The following PUM3 variants were observed in gnomAD, a reference collection of about 807,000 sequenced individuals.
PUM3 encodes pumilio RNA binding family member 3.
PUM3 carries 91 observed loss-of-function variants against 84.0 expected under a neutral mutation model. The observed-to-expected ratio is 1.08, with a 90% confidence interval of 0.91 to 1.29. PUM3 has a LOEUF of 1.29. PUM3 is among the 50% of genes most tolerant of loss of function. PUM3 has a pLI of 0.00. For synonymous variants in PUM3, 321 were observed against 266.7 expected (o/e 1.20, Z -1.98); for missense variants, 1,067 against 767.5 (o/e 1.39, Z -4.61).
intron 16 of PUM3, among the ~76,000 whole-genome samples, chr9:2,809,210 A>T (rs1243053976): frequency 6.6e-6 from 1 of 152,188 alleles, no homozygotes; most frequent in Non-Finnish European, 1.5e-5. Context: ...GTAAAAGAGA[A>T]TCAAAACAGC....
intron 10 of PUM3, among the ~76,000 whole-genome samples, chr9:2,825,271 C>G (rs116531114): frequency 1.1e-4 from 16 of 152,186 alleles, no homozygotes; most frequent in African/African-American, 3.6e-4. Context: ...CTTCCCTTTT[C>G]AGTTCATAAC....
intron 17 of PUM3, 76 bp from the exon 18 acceptor site, chr9:2,804,539 A>C: frequency 1.4e-6 from 2 of 1,397,790 alleles, no homozygotes; most frequent in South Asian, 1.4e-5. Flanking sequence ...AACAGTAAAA[A>C]AGACTTTGTT....
chr9:2,834,433 C>G (rs1057185885), intron 3 of PUM3, among the ~76,000 whole-genome samples: 25 of 152,106 alleles, frequency 1.6e-4, no homozygotes, highest in African/African-American at 6.0e-4. Flanking sequence ...ACAAAAGTAA[C>G]TAGAATATTT....
chr9:2,811,661 T>A, intron 14 of PUM3, 78 bp from the exon 15 acceptor site: 1 of 999,220 alleles, frequency 1.0e-6, no homozygotes, highest in Non-Finnish European at 1.5e-6. Flanking sequence ...CAAAAACCTC[T>A]AAGAGCTTAT....
chr9:2,820,200 T>TAAA, intron 12 of PUM3, 102 bp from the exon 13 acceptor site: 1 of 208,270 alleles, frequency 4.8e-6, no homozygotes, highest in Non-Finnish European at 8.2e-6. Flanking sequence ...GAGACTCCGC[T>TAAA]CAAAAAAAAA....
intron 10 of PUM3, among the ~76,000 whole-genome samples, chr9:2,826,158 C>T (rs1168489895): frequency 2.0e-5 from 3 of 151,464 alleles, no homozygotes; most frequent in Admixed American, 6.6e-5. Context: ...GACAATTTGT[C>T]TCATTACTTT....
At chr9:2,817,373 C>G (rs1174736405) in intron 13 of PUM3, among the ~76,000 whole-genome samples, 1 of 152,018 alleles carries the variant, frequency 6.6e-6, no homozygotes, top group Non-Finnish European at 1.5e-5. Flanking sequence ...TTTTACATTT[C>G]AAAAGGGTTT....
intron 13 of PUM3, among the ~76,000 whole-genome samples, chr9:2,819,741 A>C (rs1197395762): frequency 6.6e-6 from 1 of 152,240 alleles, no homozygotes; most frequent in Non-Finnish European, 1.5e-5. Flanking sequence ...CGTATGTTCT[A>C]AAGTACCATG....
rs770060488 is a variant in PUM3, at chr9:2,811,322, CT to C, written c.1635+38del. The stretch of plus-strand genomic sequence containing the variant: ...CGTCCAAAAACGAAGTTTTTGTGGC[CT>C]TTGCAGCTTTCCTGCCTGTGCTTTA... On this transcript the variant is annotated intron_variant, in intron 15 of 17. Transcript: ENST00000397885. 5 of 1,598,334 alleles carry C rather than the reference CT, an allele frequency of 3.1e-6. No homozygotes were observed. In the East Asian group the frequency reaches 6.7e-5, roughly 21 times the overall value.
intron 3 of PUM3, among the ~76,000 whole-genome samples, chr9:2,835,755 T>C (rs533973729): frequency 4.6e-5 from 7 of 152,300 alleles, no homozygotes; most frequent in African/African-American, 1.7e-4. Context: ...GTGGGGGTTG[T>C]CTAGTAACCA....
At chr9:2,830,864 T>G in intron 7 of PUM3, 98 bp downstream of exon 7, 2 of 674,778 alleles carry the variant, frequency 3.0e-6, no homozygotes, top group Non-Finnish European at 5.3e-6. Context: ...CTATTACTTA[T>G]AAAGACCACA....
chr9:2,838,258 A>G (rs180813590), intron 2 of PUM3, among the ~76,000 whole-genome samples, 168 bp downstream of exon 2: 1 of 152,198 alleles, frequency 6.6e-6, no homozygotes, highest in South Asian at 2.1e-4. Flanking sequence ...GCAATTTCTT[A>G]AGTGTCTAAA....
At position 2,807,600 on chromosome 9, in the gene PUM3, CAAAAAAAAAAAA is replaced by C. The variant is rs71329449; in HGVS notation, c.1814+202_1814+213del. ...CCTGGGTGACAGTGAGACTCCATCT[CAAAAAAAAAAAA>C]AAAAAAAAAAAAGATTCCTAAGGAC... On this transcript the variant is annotated intron_variant, in intron 17 of 17. Coordinates refer to ENST00000397885, the MANE Select transcript of PUM3 (RefSeq NM_014878.5). 1.2e-4 allele frequency among the ~76,000 whole-genome samples: 8 copies of C among 67,116 alleles called. No individual in the cohort carries two copies. The Admixed American group carries it at 1.5e-3, about 12-fold the overall frequency. 44.0% of individuals were successfully genotyped at this position (67,116 alleles called of 152,430 possible).
chr9:2,832,849 G>C (rs147973490), intron 5 of PUM3, among the ~76,000 whole-genome samples: 3 of 152,230 alleles, frequency 2.0e-5, no homozygotes, highest in African/African-American at 7.2e-5. Flanking sequence ...AAATACACAA[G>C]AGTCACAGGA....
intron 12 of PUM3, among the ~76,000 whole-genome samples, chr9:2,821,027 G>A (rs1350263070): frequency 6.6e-6 from 1 of 152,156 alleles, no homozygotes; most frequent in Non-Finnish European, 1.5e-5. Flanking sequence ...AGCCAGATCT[G>A]ATAAATATCA....
chr9:2,821,325 T>C (rs948387335), intron 12 of PUM3, among the ~76,000 whole-genome samples: 1 of 151,314 alleles, frequency 6.6e-6, no homozygotes, highest in Admixed American at 6.6e-5. Flanking sequence ...GCGCCTGTAG[T>C]CCCAGCTACT....
chr9:2,813,221 C>A (rs1012395133), intron 13 of PUM3, among the ~76,000 whole-genome samples: 4 of 152,128 alleles, frequency 2.6e-5, no homozygotes, highest in African/African-American at 9.7e-5. Flanking sequence ...CAACGTCATC[C>A]CCACCCTAAC....
intron 16 of PUM3, among the ~76,000 whole-genome samples, chr9:2,808,412 C>T (rs1164415058): frequency 6.6e-6 from 1 of 152,200 alleles, no homozygotes; most frequent in Non-Finnish European, 1.5e-5. Flanking sequence ...ACAACGCTTA[C>T]ATACTCACAA....
intron 13 of PUM3, among the ~76,000 whole-genome samples, chr9:2,817,933 A>G (rs748361087): frequency 6.6e-6 from 1 of 152,232 alleles, no homozygotes; most frequent in African/African-American, 2.4e-5. Context: ...CCGTCTGCAT[A>G]TCAATTGACT....
Sources: gnomAD v4.1 joint callset for allele counts (sites outside exome capture counted in the v4.1 genomes callset) on GRCh38, gnomAD v4.1.1 for gene constraint, MANE v1.5 for transcripts, NCBI Gene and HGNC (gene_info 2026-07-23, HGNC 2026-07-21) for gene names.